The following KRAS variants were observed in gnomAD, a reference collection of about 807,000 sequenced individuals.
KRAS encodes GTPase KRas.
In KRAS, 1 loss-of-function variant was observed where a neutral mutation model predicts 21.0. The ratio of observed to expected loss-of-function variants is 0.05; its 90% CI spans 0.02 to 0.23. The LOEUF is 0.23. KRAS is among the 10% of genes least tolerant of loss of function. The pLI, the probability that KRAS is intolerant of heterozygous loss-of-function variation, is 1.00. For synonymous variants in KRAS, 67 were observed against 72.5 expected (o/e 0.92, Z 0.39); for missense variants, 107 against 221.8 (o/e 0.48, Z 3.29).
At chr12:25,221,742 TA>T (rs922722265) in intron 4 of KRAS, among the ~76,000 whole-genome samples, 95 of 152,318 alleles carry the variant, frequency 6.2e-4, no homozygotes, top group African/African-American at 2.1e-3. Context: ...AACCGGAATA[TA>T]ATTCTTTTTG....
chr12:25,228,712 G>C (rs1055888303), intron 2 of KRAS, among the ~76,000 whole-genome samples: 8 of 152,142 alleles, frequency 5.3e-5, no homozygotes, highest in African/African-American at 1.2e-4. Flanking sequence ...ACAACATGGT[G>C]ATGGTTGCAC....
At chr12:25,221,946 C>T (rs1366640273) in intron 4 of KRAS, among the ~76,000 whole-genome samples, 3 of 151,958 alleles carry the variant, frequency 2.0e-5, no homozygotes, top group Non-Finnish European at 4.4e-5. Flanking sequence ...GTCAAGAGAT[C>T]GAGACCATCC....
At chr12:25,218,951 T>G (rs1160421576) in intron 4 of KRAS, among the ~76,000 whole-genome samples, 1 of 151,546 alleles carries the variant, frequency 6.6e-6, no homozygotes, top group Non-Finnish European at 1.5e-5. Flanking sequence ...TTTTGTTTTT[T>G]TTTTTTGAGA....
At chr12:25,233,782 T>G in intron 2 of KRAS, 1 of 207,098 alleles carries the variant, frequency 4.8e-6, no homozygotes, top group Non-Finnish European at 9.8e-6. Context: ...ACGCTATAGG[T>G]AATTAGTACT....
chr12:25,245,676 T>C (rs1951669390), intron 1 of KRAS, among the ~76,000 whole-genome samples: 1 of 152,208 alleles, frequency 6.6e-6, no homozygotes, highest in Non-Finnish European at 1.5e-5. Flanking sequence ...AGTTGTTCTA[T>C]CTAAATAGCC....
intron 4 of KRAS, among the ~76,000 whole-genome samples, chr12:25,222,935 G>A (rs1951346217): frequency 6.6e-6 from 1 of 152,142 alleles, no homozygotes; most frequent in African/African-American, 2.4e-5. Context: ...CTCTTTTTAT[G>A]TCCTCTACTG....
Position 25,205,800 on chromosome 12 carries a change from A to AACAC in KRAS, c.*3991_*3994dup, listed in dbSNP as rs1454418443. On this transcript the variant is annotated 3_prime_UTR_variant, in exon 5 of 5. Transcript: ENST00000311936. ...CAGGCACTTCAAACTATTAAACTAA[A>AACAC]ACACAGATCTTAATCTAGTTATGAC... The AACAC allele has an allele frequency of 4.6e-6, 1 of 216,216 alleles. No homozygotes were observed. The highest frequency in any genetic ancestry group is 6.9e-5 in the East Asian group (1 of 14,442). The allele number at this position is 216,216 out of a possible 1,614,324, so 13.4% of individuals were successfully genotyped here.
At chr12:25,249,552 A>AT (rs936801603) in intron 1 of KRAS, among the ~76,000 whole-genome samples, 1 of 127,966 alleles carries the variant, frequency 7.8e-6, no homozygotes, top group Non-Finnish European at 1.6e-5. Context: ...ATACCGCGCC[A>AT]TTGCACTCCA....
chr12:25,233,399 CAA>C (rs1033275125), intron 2 of KRAS, among the ~76,000 whole-genome samples: 2 of 150,776 alleles, frequency 1.3e-5, no homozygotes, highest in Admixed American at 1.3e-4. Flanking sequence ...ACAAAAAATA[CAA>C]AAAAAAATTA....
intron 4 of KRAS, chr12:25,210,877 A>C (rs1951194137): frequency 8.6e-6 from 1 of 115,712 alleles, no homozygotes; most frequent in Non-Finnish European, 2.0e-5. Context: ...TGGCACTCTC[A>C]AACTGGTAGT....
At chr12:25,238,406 A>G (rs1282781197) in intron 2 of KRAS, among the ~76,000 whole-genome samples, 2 of 152,214 alleles carry the variant, frequency 1.3e-5, no homozygotes, top group Admixed American at 6.5e-5. Flanking sequence ...TTCATATTTT[A>G]TATTATATAC....
chr12:25,245,640 TAGAC>T, intron 1 of KRAS, among the ~76,000 whole-genome samples: 1 of 152,246 alleles, frequency 6.6e-6, no homozygotes, highest in East Asian at 1.9e-4. Context: ...AAATGCTACA[TAGAC>T]AGTTCTTTTA....
chr12:25,226,829 C>T (rs550749068), intron 3 of KRAS, among the ~76,000 whole-genome samples: 1 of 152,322 alleles, frequency 6.6e-6, no homozygotes, highest in African/African-American at 2.4e-5. Context: ...TTTATCCAAT[C>T]CAAGCAATTC....
At chr12:25,233,069 T>C (rs1951495386) in intron 2 of KRAS, among the ~76,000 whole-genome samples, 1 of 152,138 alleles carries the variant, frequency 6.6e-6, no homozygotes, top group African/African-American at 2.4e-5. Context: ...ACCCATAATC[T>C]TGCACCATTT....
chr12:25,217,267 AACAC>A (rs1215650287), intron 4 of KRAS, among the ~76,000 whole-genome samples: 1 of 152,172 alleles, frequency 6.6e-6, no homozygotes, highest in Non-Finnish European at 1.5e-5. Context: ...AGTTAAGAAA[AACAC>A]ACCTCAATTC....
chr12:25,225,558 C>T (rs1951382025), intron 4 of KRAS, 56 bp downstream of exon 4: 1 of 1,495,386 alleles, frequency 6.7e-7, no homozygotes, highest in South Asian at 1.1e-5. Context: ...TATTAAATGA[C>T]ATAACAGTTA....
intron 2 of KRAS, among the ~76,000 whole-genome samples, chr12:25,237,147 G>C (rs903782275): frequency 6.6e-6 from 1 of 152,092 alleles, no homozygotes; most frequent in Non-Finnish European, 1.5e-5. Flanking sequence ...AGACACAAAA[G>C]GCCACGTCTG....
Position 25,232,448 on chromosome 12 carries a change from A to AT in KRAS, c.112-5037dup, listed in dbSNP as rs1419988787. Among the ~76,000 whole-genome samples the AT allele has an allele frequency of 3.3e-5, 5 of 152,232 alleles. 1 individual carries two copies. The South Asian group carries it at 6.2e-4, about 19-fold the overall frequency. On this transcript the variant is annotated intron_variant, in intron 2 of 4. Coordinates refer to ENST00000311936, the MANE Select transcript of KRAS (RefSeq NM_004985.5). ...CAAATATTATTTATTCTCTTTATAT[A>AT]TTTTTTTAAATTTACCACTCTGAGA...
chr12:25,231,094 T>C (rs1347397772), intron 2 of KRAS, among the ~76,000 whole-genome samples: 1 of 31,252 alleles, frequency 3.2e-5, no homozygotes, highest in Non-Finnish European at 7.4e-5. Flanking sequence ...CTCACATTCT[T>C]TTTTTTTTTT....
Sources: gnomAD v4.1 joint callset for allele counts (sites outside exome capture counted in the v4.1 genomes callset) on GRCh38, gnomAD v4.1.1 for gene constraint, MANE v1.5 for transcripts, NCBI Gene and HGNC (gene_info 2026-07-23, HGNC 2026-07-21) for gene names.